Variants in PRKN observed in about 807,000 individuals in gnomAD.
The protein encoded by PRKN is parkin RBR E3 ubiquitin protein ligase, also known as E3 ubiquitin-protein ligase parkin.
In PRKN, 56 loss-of-function variants were observed where a neutral mutation model predicts 59.5. The ratio of observed to expected loss-of-function variants is 0.94; its 90% CI spans 0.76 to 1.18. The LOEUF is 1.18. Ranked by LOEUF, PRKN falls within the 50% of genes most tolerant of loss-of-function variation. The pLI is 0.00. For synonymous variants in PRKN, 250 were observed against 222.1 expected, an observed-to-expected ratio of 1.13 and a Z score of -1.12; for missense variants, 657 against 596.4, an observed-to-expected ratio of 1.10 and a Z score of -1.06.
intron 6 of PRKN, among the ~76,000 whole-genome samples, chr6:161,967,262 C>T (rs1780617426): frequency 7.1e-6 from 1 of 141,370 alleles, no homozygotes; most frequent in African/African-American, 2.6e-5. Flanking sequence ...CATGTTACAA[C>T]ATATATGTGA....
rs200266863 is a variant in PRKN, at chr6:162,631,531, AT to A, written c.7+96130del. On this transcript the variant is annotated intron_variant, in intron 1 of 11. Transcript: ENST00000366898. Reference sequence around the variant, plus strand: ...GTTCATGTCCTTTGCCCATTTTTAAATTTTTTTTATTGTGTTTTGCTTCTTG... The same window carrying A: ...GTTCATGTCCTTTGCCCATTTTTAAATTTTTTTATTGTGTTTTGCTTCTTG... 3.2e-4 allele frequency among the ~76,000 whole-genome samples: 49 copies of A among 151,886 alleles called. No individual in the cohort carries two copies. In the East Asian group the frequency reaches 8.5e-3, roughly 26 times the overall value.
At chr6:162,033,442 A>G (rs1209983620) in intron 5 of PRKN, among the ~76,000 whole-genome samples, 1 of 152,230 alleles carries the variant, frequency 6.6e-6, no homozygotes, top group East Asian at 1.9e-4. Context: ...TGTAATTCAC[A>G]ATGCATACTT....
At chr6:162,263,090 T>C (rs1003554372) in intron 2 of PRKN, among the ~76,000 whole-genome samples, 2 of 152,136 alleles carry the variant, frequency 1.3e-5, no homozygotes, top group East Asian at 1.9e-4. Context: ...AATTCCTTTT[T>C]TCCCCCCAAG....
Position 161,397,586 on chromosome 6 carries a change from T to C in PRKN, c.1084-10709A>G, listed in dbSNP as rs1464639443. 6.6e-6 allele frequency among the ~76,000 whole-genome samples: 1 copy of C among 152,204 alleles called. No homozygotes were observed. The highest frequency in any genetic ancestry group is 1.9e-4 in the East Asian group (1 of 5,200). On this transcript the variant is annotated intron_variant, in intron 9 of 11. Coordinates refer to ENST00000366898, the MANE Select transcript of PRKN (RefSeq NM_004562.3). This position sits in a 1 kb window ranked among gnomAD's most constrained non-coding sequence, Gnocchi z 4.2. The stretch of plus-strand genomic sequence containing the variant: ...GCACTTTGCCTATTGCATATTTCCA[T>C]TTGGATAGGTTGCAGTCACCTCAAA...
At chr6:162,050,798 G>A (rs1027757355) in intron 5 of PRKN, among the ~76,000 whole-genome samples, 3 of 152,056 alleles carry the variant, frequency 2.0e-5, no homozygotes, top group Admixed American at 6.5e-5. Context: ...TCGAGCCCTC[G>A]CTGGGACTTG....
At chr6:162,266,162 G>A (rs1780121370) in intron 2 of PRKN, among the ~76,000 whole-genome samples, 3 of 152,090 alleles carry the variant, frequency 2.0e-5, no homozygotes, top group Non-Finnish European at 4.4e-5. Context: ...ACCTTTCCAT[G>A]TTCAGGACTC....
chr6:161,895,966 G>A (rs551649073), intron 6 of PRKN, among the ~76,000 whole-genome samples: 2 of 152,310 alleles, frequency 1.3e-5, no homozygotes, highest in East Asian at 3.9e-4. Context: ...AGCTGAGCTG[G>A]TGGGAAGTGA....
At chr6:162,495,135 A>G (rs552918817) in intron 1 of PRKN, among the ~76,000 whole-genome samples, 63 of 152,344 alleles carry the variant, frequency 4.1e-4, no homozygotes, top group African/African-American at 1.5e-3. Context: ...GTGAACTGAA[A>G]GCCTAATACA....
intron 5 of PRKN, among the ~76,000 whole-genome samples, chr6:162,025,787 C>A (rs1783411894): frequency 6.6e-6 from 1 of 151,518 alleles, no homozygotes. Flanking sequence ...TGGGGTTTCA[C>A]CATGTTGGCC....
At chr6:161,389,532 C>T (rs1786413209) in intron 9 of PRKN, among the ~76,000 whole-genome samples, 1 of 152,230 alleles carries the variant, frequency 6.6e-6, no homozygotes, top group South Asian at 2.1e-4. Flanking sequence ...GTTTCAGCTT[C>T]TGACATCTTA....
chr6:161,633,995 TAA>T (rs1783413371), intron 7 of PRKN, among the ~76,000 whole-genome samples: 1 of 66,304 alleles, frequency 1.5e-5, no homozygotes, highest in Admixed American at 1.8e-4. Context: ...ATGGAAAACT[TAA>T]ACACACACAC....
intron 1 of PRKN, among the ~76,000 whole-genome samples, chr6:162,547,872 G>A (rs1779179571): frequency 6.6e-6 from 1 of 152,058 alleles, no homozygotes; most frequent in Admixed American, 6.6e-5. Context: ...ATGAGCCACC[G>A]TGCCTGGCCA....
intron 2 of PRKN, among the ~76,000 whole-genome samples, chr6:162,402,334 G>C (rs1446822904): frequency 2.0e-5 from 3 of 152,046 alleles, no homozygotes; most frequent in African/African-American, 7.2e-5. Context: ...CTCAGGCATG[G>C]AGAGTTAAGG....
intron 6 of PRKN, among the ~76,000 whole-genome samples, chr6:161,964,231 A>T (rs1194202513): frequency 6.6e-6 from 1 of 152,048 alleles, no homozygotes; most frequent in African/African-American, 2.4e-5. Flanking sequence ...GATAGATTCA[A>T]TTTCTTCATT....
chr6:162,596,137 AC>A (rs1781487889), intron 1 of PRKN, among the ~76,000 whole-genome samples: 1 of 151,936 alleles, frequency 6.6e-6, no homozygotes, highest in African/African-American at 2.4e-5. Context: ...ACATATTAAA[AC>A]CCCCTTTTAA....
chr6:162,543,541 C>G (rs1779003625), intron 1 of PRKN, among the ~76,000 whole-genome samples: 1 of 152,062 alleles, frequency 6.6e-6, no homozygotes, highest in African/African-American at 2.4e-5. Context: ...GTTCTAAGTT[C>G]CTCGCCTCCC....
At chr6:161,826,165 C>G (rs1051893611) in intron 6 of PRKN, among the ~76,000 whole-genome samples, 3 of 152,140 alleles carry the variant, frequency 2.0e-5, no homozygotes, top group Non-Finnish European at 4.4e-5. Context: ...CACGAAGATT[C>G]ATACCAAAAC....
intron 3 of PRKN, among the ~76,000 whole-genome samples, chr6:162,244,575 T>C (rs1236528050): frequency 1.3e-5 from 2 of 152,116 alleles, no homozygotes; most frequent in African/African-American, 2.4e-5. Flanking sequence ...AACAGGTATA[T>C]GCATTCACGC....
intron 1 of PRKN, among the ~76,000 whole-genome samples, chr6:162,617,123 T>G (rs935778419): frequency 2.6e-5 from 4 of 152,166 alleles, no homozygotes; most frequent in African/African-American, 9.7e-5. Context: ...TGTAGAAAGA[T>G]TAAATCAAGC....
Sources: allele counts gnomAD v4.1 joint callset (sites outside exome capture counted in the v4.1 genomes callset), GRCh38; gene constraint gnomAD v4.1.1; non-coding constraint Gnocchi (gnomAD v3.1); transcripts MANE v1.5; gene names NCBI Gene and HGNC (gene_info 2026-07-23, HGNC 2026-07-21).